Variants in BMP6 observed in about 807,000 individuals in gnomAD.
The protein encoded by BMP6 is VG-1-R.
In BMP6, 17 loss-of-function variants were observed where a neutral mutation model predicts 54.1. The observed-to-expected ratio is 0.31, with a 90% confidence interval of 0.22 to 0.47. The LOEUF is 0.47. BMP6 is among the 20% of genes least tolerant of loss of function. BMP6 has a pLI of 1.00. For missense variants in BMP6, 720 were observed against 690.4 expected, an observed-to-expected ratio of 1.04 and a Z score of -0.48; for synonymous variants, 328 against 291.2, an observed-to-expected ratio of 1.13 and a Z score of -1.28.
chr6:7,728,795 G>A (rs1466010440), intron 1 of BMP6, among the ~76,000 whole-genome samples: 1 of 152,128 alleles, frequency 6.6e-6, no homozygotes, highest in East Asian at 1.9e-4. Context: ...GCAGACACTC[G>A]CCAAAGGAGC....
At chr6:7,835,175 T>G (rs1201208721) in intron 1 of BMP6, among the ~76,000 whole-genome samples, 4 of 152,152 alleles carry the variant, frequency 2.6e-5, no homozygotes, top group Non-Finnish European at 4.4e-5. Flanking sequence ...CAGGCTGGAG[T>G]GCAGTGGCAC....
At chr6:7,793,474 C>T (rs1758142142) in intron 1 of BMP6, among the ~76,000 whole-genome samples, 1 of 152,026 alleles carries the variant, frequency 6.6e-6, no homozygotes, top group African/African-American at 2.4e-5. Context: ...TGCCCAAACC[C>T]ATAGACTATA....
rs180938426 is a variant in BMP6, at chr6:7,773,029, G to A, written c.664+45410G>A. 4.8e-3 allele frequency among the ~76,000 whole-genome samples: 729 copies of A among 152,236 alleles called. 7 individuals are homozygous for A. Among genetic ancestry groups the A allele is most frequent in the Admixed American group, 6.3e-3 (97 of 15,284 alleles). ...TTCTCTTATTTCCAGAGTCTTGGAGGGGACTCTTCCAAGGCCCTCCAAGGG... is the reference window on the plus strand; with the variant it reads ...TTCTCTTATTTCCAGAGTCTTGGAGAGGACTCTTCCAAGGCCCTCCAAGGG... On this transcript the variant is annotated intron_variant, in intron 1 of 6. Transcript: ENST00000283147.
At chr6:7,757,539 A>G (rs1757537836) in intron 1 of BMP6, among the ~76,000 whole-genome samples, 1 of 152,202 alleles carries the variant, frequency 6.6e-6, no homozygotes, top group Admixed American at 6.5e-5. Flanking sequence ...ATCAACAAGG[A>G]TGCTATTTCC....
At chr6:7,759,652 T>TAAAAAA (rs1757578371) in intron 1 of BMP6, among the ~76,000 whole-genome samples, 1 of 142,804 alleles carries the variant, frequency 7.0e-6, no homozygotes, top group African/African-American at 2.6e-5. Flanking sequence ...ATAAAAGAAT[T>TAAAAAA]TAAAAAAAAG....
intron 1 of BMP6, among the ~76,000 whole-genome samples, chr6:7,825,659 G>A (rs1202288655): frequency 6.6e-6 from 1 of 151,914 alleles, no homozygotes; most frequent in Non-Finnish European, 1.5e-5. Flanking sequence ...GGCAGAGATT[G>A]CAGTGAGTCG....
chr6:7,857,197 T>C (rs961968250), intron 2 of BMP6, among the ~76,000 whole-genome samples: 2 of 152,220 alleles, frequency 1.3e-5, no homozygotes, highest in African/African-American at 4.8e-5. Flanking sequence ...TACTAGTCTT[T>C]ATGAGTGGCT....
chr6:7,819,662 C>T (rs267806), intron 1 of BMP6, among the ~76,000 whole-genome samples: 57,864 of 151,934 alleles, frequency 0.38, 12,257 homozygotes, highest in East Asian at 0.73. Context: ...GGAAATCCTG[C>T]TTAGTTGTAT....
At chr6:7,770,551 G>A (rs964052102) in intron 1 of BMP6, among the ~76,000 whole-genome samples, 1 of 152,212 alleles carries the variant, frequency 6.6e-6, no homozygotes, top group Non-Finnish European at 1.5e-5. Flanking sequence ...TGGATTAACA[G>A]ATGTAAATAT....
At chr6:7,734,588 A>T (rs1433834438) in intron 1 of BMP6, among the ~76,000 whole-genome samples, 6 of 152,214 alleles carry the variant, frequency 3.9e-5, no homozygotes, top group Non-Finnish European at 8.8e-5. Context: ...CTACTTTTAG[A>T]AAAGAAAATG....
At chr6:7,737,111 G>A (rs1434623922) in intron 1 of BMP6, among the ~76,000 whole-genome samples, 2 of 151,950 alleles carry the variant, frequency 1.3e-5, no homozygotes, top group Admixed American at 6.6e-5. Context: ...GCTTGAACCC[G>A]GGAGGCAGAG....
At chr6:7,763,938 TCC>T (rs1243969389) in intron 1 of BMP6, among the ~76,000 whole-genome samples, 3 of 152,092 alleles carry the variant, frequency 2.0e-5, no homozygotes, top group Non-Finnish European at 2.9e-5. Context: ...AAAGAAAAAC[TCC>T]GTTGGATCAA....
chr6:7,805,863 A>G (rs193067400), intron 1 of BMP6, among the ~76,000 whole-genome samples: 1 of 152,378 alleles, frequency 6.6e-6, no homozygotes, highest in African/African-American at 2.4e-5. Context: ...AAAACGTCCC[A>G]GTGAGGCTTC....
intron 1 of BMP6, among the ~76,000 whole-genome samples, chr6:7,738,664 A>G (rs1373212557): frequency 6.6e-6 from 1 of 152,252 alleles, no homozygotes; most frequent in African/African-American, 2.4e-5. Context: ...CCCAGGCTAG[A>G]TAATTCCCAA....
intron 1 of BMP6, among the ~76,000 whole-genome samples, chr6:7,772,938 G>A (rs1037140169): frequency 6.6e-6 from 1 of 152,102 alleles, no homozygotes; most frequent in African/African-American, 2.4e-5. Context: ...TCCTTGTGGT[G>A]CTTTAATTTG....
intron 1 of BMP6, among the ~76,000 whole-genome samples, chr6:7,750,205 C>T (rs1757401633): frequency 6.6e-6 from 1 of 152,210 alleles, no homozygotes; most frequent in African/African-American, 2.4e-5. Flanking sequence ...TGCCCTTGAA[C>T]ATCTGCGTGC....
rs534932808 is a variant in BMP6 at position 7,817,091 on chromosome 6, TCA to T, written c.665-28048_665-28047del. Reference sequence around the variant, plus strand: ...CGAGAGAAACCAGCTTTCAAAACATTCAGTCTATTTTTTCAATACCTTGCTTT... The same window carrying T: ...CGAGAGAAACCAGCTTTCAAAACATTGTCTATTTTTTCAATACCTTGCTTT... On this transcript the variant is annotated intron_variant, in intron 1 of 6. Coordinates refer to ENST00000283147, the MANE Select transcript of BMP6 (RefSeq NM_001718.6). 8.5e-5 allele frequency among the ~76,000 whole-genome samples: 13 copies of T among 152,308 alleles called. No individual in the cohort carries two copies. In the South Asian group the frequency reaches 2.5e-3, roughly 29 times the overall value.
chr6:7,788,135 G>T (rs754887604), intron 1 of BMP6, among the ~76,000 whole-genome samples: 6 of 152,174 alleles, frequency 3.9e-5, no homozygotes, highest in Non-Finnish European at 7.3e-5. Context: ...CACAACTCTG[G>T]AATATATTTC....
At chr6:7,813,348 A>G (rs1192994081) in intron 1 of BMP6, among the ~76,000 whole-genome samples, 1 of 144,384 alleles carries the variant, frequency 6.9e-6, no homozygotes, top group Non-Finnish European at 1.5e-5. Flanking sequence ...GAGGCCAGAT[A>G]TGATGGCGTA....
Sources: allele counts gnomAD v4.1 joint callset (sites outside exome capture counted in the v4.1 genomes callset), GRCh38; gene constraint gnomAD v4.1.1; transcripts MANE v1.5; gene names NCBI Gene and HGNC (gene_info 2026-07-23, HGNC 2026-07-21).